The following ZC3H14 variants were observed in gnomAD, a reference collection of about 807,000 sequenced individuals.
The protein encoded by ZC3H14 is zinc finger CCCH-type containing 14.
A neutral mutation model predicts 92.4 loss-of-function variants in ZC3H14; 31 were observed. The observed-to-expected ratio is 0.34, with a 90% CI of 0.25 to 0.45. The LOEUF is 0.45. ZC3H14 is among the 20% of genes least tolerant of loss of function. ZC3H14 has a pLI of 1.00. For synonymous variants in ZC3H14, 321 were observed against 300.9 expected (o/e 1.07, Z -0.69); for missense variants, 781 against 897.3 (o/e 0.87, Z 1.66).
In ZC3H14 at chr14:88,625,848, A is replaced by G. The variant is rs1027095152; in HGVS notation, c.*14097A>G. 2.0e-4 allele frequency: 31 copies of G among 152,268 alleles called. No individual in the cohort carries two copies. The highest frequency in any genetic ancestry group is 7.0e-4 in the African/African-American group (29 of 41,470). 9.4% of individuals were successfully genotyped at this position (152,268 alleles called of 1,614,324 possible). Reference sequence around the variant, plus strand: ...TAAAATTATAACTTTTCCTATAAGTATTGCATAATCACAAAAACAAAAAAT... The same window carrying G: ...TAAAATTATAACTTTTCCTATAAGTGTTGCATAATCACAAAAACAAAAAAT... On this transcript the variant is annotated 3_prime_UTR_variant, in exon 17 of 17. Coordinates refer to ENST00000251038, the MANE Select transcript of ZC3H14 (RefSeq NM_024824.5).
intron 8 of ZC3H14, among the ~76,000 whole-genome samples, chr14:88,576,982 G>A (rs1045902808): frequency 4.0e-5 from 6 of 151,854 alleles, no homozygotes; most frequent in African/African-American, 1.5e-4. Context: ...TAGTAGAGGC[G>A]GGGTTCCACC....
rs373594140 is a variant in ZC3H14 at position 88,568,078 on chromosome 14, A to T, written c.119A>T (p.Asn40Ile). 61 of 1,614,078 alleles carry T rather than the reference A, an allele frequency of 3.8e-5. No homozygotes were observed. The highest frequency in any genetic ancestry group is 5.1e-6 in the Non-Finnish European group (6 of 1,180,022). Residue 40 changes from asparagine (N) to isoleucine (I), a missense_variant, in exon 3 of 17, where the codon AAC becomes ATC. Asn to Ile is a moderately radical substitution (Grantham distance 149). Coordinates refer to ENST00000251038, the MANE Select transcript of ZC3H14 (RefSeq NM_024824.5). ...LPDYIMVMVA[N>I]KKSQDQMTED... ...GATTACATTATGGTGATGGTGGCCA[A>T]CAAGAAAAGTCAGGACCAAATGACA... is the stretch of plus-strand genomic sequence containing the variant.
At chr14:88,579,425 C>T (rs1380328724) in intron 9 of ZC3H14, among the ~76,000 whole-genome samples, 2 of 152,112 alleles carry the variant, frequency 1.3e-5, no homozygotes, top group Non-Finnish European at 2.9e-5. Flanking sequence ...GGATTTTGCT[C>T]AGTGCAGTGG....
At position 88,618,390 on chromosome 14, in the gene ZC3H14, G is replaced by T; in HGVS notation, c.*6639G>T. On this transcript the variant is annotated 3_prime_UTR_variant, in exon 17 of 17. Transcript: ENST00000251038. ...CATTAGGTGAGAGACAAAATCCACAGGGGGTTTACAGAATACTAGCATATT... is the reference window on the plus strand; with the variant it reads ...CATTAGGTGAGAGACAAAATCCACATGGGGTTTACAGAATACTAGCATATT... 6.8e-7 allele frequency: 1 copy of T among 1,460,180 alleles called. No individual in the cohort carries two copies. The highest frequency in any genetic ancestry group is 9.6e-7 in the Non-Finnish European group (1 of 1,046,968). The allele number at this position is 1,460,180 out of a possible 1,614,324, so 90.5% of individuals were successfully genotyped here. A position where few individuals can be genotyped will look rare whatever the true frequency, so the allele number is the denominator to read the frequency against.
chr14:88,572,159 C>T lies in ZC3H14; in HGVS notation c.365C>T (p.Ala122Val), dbSNP rs199755342. ...AAVPPLAIPS[A>V]RPEKRDSRVS... is the part of the protein sequence containing the mutation. ...GTGCCACCACTTGCCATTCCTAGCG[C>T]GAGACCTGAAAAAAGAGATTCCAGA... is the stretch of plus-strand genomic sequence containing the variant. The change falls in exon 5 of 17, where the codon GCG becomes GTG. Residue 122 changes from alanine (A) to valine (V), a missense_variant. This residue lies in a region of ZC3H14 where 106 missense variants were observed against 154.2 expected (regional missense o/e 0.69). Transcript: ENST00000251038. The T allele has an allele frequency of 2.2e-5, 36 of 1,613,854 alleles. No individual in the cohort carries two copies. In the Admixed American group the frequency reaches 2.7e-4, roughly 12 times the overall value.
At chr14:88,598,758 G>A (rs1348023656) in intron 10 of ZC3H14, among the ~76,000 whole-genome samples, 1 of 152,218 alleles carries the variant, frequency 6.6e-6, no homozygotes, top group African/African-American at 2.4e-5. Context: ...TGTCTTCAGT[G>A]TAGAGGTCGG....
At position 88,619,080 on chromosome 14, in the gene ZC3H14, C is replaced by T. The variant is rs969976829; in HGVS notation, c.*7329C>T. Reference sequence around the variant, plus strand: ...ACGTCTAATGGCTTAAAAAAACTTTCTTAGGCCAGGCCCAGTGGCTCACAC... The same window carrying T: ...ACGTCTAATGGCTTAAAAAAACTTTTTTAGGCCAGGCCCAGTGGCTCACAC... On this transcript the variant is annotated 3_prime_UTR_variant, in exon 17 of 17. Transcript: ENST00000251038. The T allele has an allele frequency of 1.2e-5, 3 of 246,800 alleles. No homozygotes were observed. The highest frequency in any genetic ancestry group is 2.3e-5 in the Non-Finnish European group (3 of 130,158). The allele number at this position is 246,800 out of a possible 1,614,324, so 15.3% of individuals were successfully genotyped here. A position where few individuals can be genotyped will look rare whatever the true frequency, so the allele number is the denominator to read the frequency against.
intron 2 of ZC3H14, 192 bp from the exon 3 acceptor site, chr14:88,567,834 TATTCTTAATTTCC>T: frequency 1.6e-6 from 1 of 617,458 alleles, no homozygotes; most frequent in Non-Finnish European, 3.0e-6. Flanking sequence ...AAGTATCAAT[TATTCTTAATTTCC>T]ATTCTTCTAG....
intron 9 of ZC3H14, among the ~76,000 whole-genome samples, chr14:88,595,490 T>C (rs2083684596): frequency 6.6e-6 from 1 of 152,192 alleles, no homozygotes; most frequent in African/African-American, 2.4e-5. Flanking sequence ...GAAAGAGCAT[T>C]CTTCCTGTAA....
At chr14:88,606,206 A>G (rs963550283) in intron 12 of ZC3H14, among the ~76,000 whole-genome samples, 1 of 152,202 alleles carries the variant, frequency 6.6e-6, no homozygotes, top group African/African-American at 2.4e-5. Flanking sequence ...AATTTCGATG[A>G]AGGCAGATTT....
In ZC3H14 at chr14:88,627,509, CTG is replaced by C; in HGVS notation, c.*15762_*15763del. 3.9e-6 allele frequency: 3 copies of C among 775,450 alleles called. No individual in the cohort carries two copies. Among genetic ancestry groups the C allele is most frequent in the Non-Finnish European group, 4.0e-6 (2 of 504,916 alleles). The allele number at this position is 775,450 out of a possible 1,614,324, so 48.0% of individuals were successfully genotyped here. Reference sequence around the variant, plus strand: ...AAAGTGAAATATACCTACAGTACCACTGTGTACAGTATATTGCATAGGCCTCC... The same window carrying C: ...AAAGTGAAATATACCTACAGTACCACTGTACAGTATATTGCATAGGCCTCC... On this transcript the variant is annotated 3_prime_UTR_variant, in exon 17 of 17. Transcript: ENST00000251038.
At chr14:88,573,057 T>C (rs773071291) in intron 6 of ZC3H14, 50 bp downstream of exon 6, 3 of 1,588,328 alleles carry the variant, frequency 1.9e-6, no homozygotes, top group Non-Finnish European at 2.6e-6. Flanking sequence ...CGGCAGTTCT[T>C]GATACCAAAT....
chr14:88,588,573 C>G (rs1461474395), intron 9 of ZC3H14, among the ~76,000 whole-genome samples: 1 of 150,572 alleles, frequency 6.6e-6, no homozygotes, highest in Non-Finnish European at 1.5e-5. Context: ...TTTTTTTTTT[C>G]TATGTTCCTG....
At chr14:88,564,292 C>G (rs1037756132) in intron 2 of ZC3H14, among the ~76,000 whole-genome samples, 2 of 152,022 alleles carry the variant, frequency 1.3e-5, no homozygotes, top group African/African-American at 4.8e-5. Flanking sequence ...TCTCTTTATT[C>G]TTTTATAATT....
At chr14:88,609,575 T>C (rs2086195730) in intron 14 of ZC3H14, 137 bp from the exon 15 acceptor site, 2 of 1,360,128 alleles carry the variant, frequency 1.5e-6, no homozygotes, top group Non-Finnish European at 1.0e-6. Context: ...TTCCGAAGTA[T>C]TTTGACTAGT....
In ZC3H14 at chr14:88,574,333, C is replaced by T. The variant is rs1477895930; in HGVS notation, c.862-360C>T. The T allele has an allele frequency of 4.2e-5, 12 of 282,846 alleles. 1 individual carries two copies. The highest frequency in any genetic ancestry group is 1.8e-4 in the South Asian group (5 of 28,022). The allele number at this position is 282,846 out of a possible 1,614,324, so 17.5% of individuals were successfully genotyped here. ...TGATCTTGGCTCCCTACATCCTCCA[C>T]CTCCCGGGTTCAAGTGAGTCTTCTG... is the stretch of plus-strand genomic sequence containing the variant. On this transcript the variant is annotated intron_variant, in intron 6 of 16. Coordinates refer to ENST00000251038, the MANE Select transcript of ZC3H14 (RefSeq NM_024824.5).
rs565984859 is a variant in ZC3H14 at position 88,611,246 on chromosome 14, C to T, written c.2204+306C>T. 3.7e-4 allele frequency among the ~76,000 whole-genome samples: 57 copies of T among 152,330 alleles called. 1 individual carries two copies. In the South Asian group the frequency reaches 9.9e-3, roughly 27 times the overall value. On this transcript the variant is annotated intron_variant, in intron 16 of 16. Coordinates refer to ENST00000251038, the MANE Select transcript of ZC3H14 (RefSeq NM_024824.5). ...GTTCAATCCATCCTCCCACCTGTAG[C>T]TGAGACTACAAGCGTGTGCCTCTAT...
rs1335764154 is a variant in ZC3H14, at chr14:88,616,265, C to T, written c.*4514C>T. 1 of 1,609,572 alleles carries T rather than the reference C, an allele frequency of 6.2e-7. No individual in the cohort carries two copies. Among genetic ancestry groups the T allele is most frequent in the Non-Finnish European group, 8.5e-7 (1 of 1,175,996 alleles). Reference sequence around the variant, plus strand: ...TGCCTAAAAAACAATGACAGACAAGCTCAGGGCATTTGGTGCACACAGAAG... The same window carrying T: ...TGCCTAAAAAACAATGACAGACAAGTTCAGGGCATTTGGTGCACACAGAAG... On this transcript the variant is annotated 3_prime_UTR_variant, in exon 17 of 17. Coordinates refer to ENST00000251038, the MANE Select transcript of ZC3H14 (RefSeq NM_024824.5).
intron 11 of ZC3H14, among the ~76,000 whole-genome samples, chr14:88,602,559 C>T (rs531521583): frequency 6.6e-6 from 1 of 152,096 alleles, no homozygotes; most frequent in African/African-American, 2.4e-5. Flanking sequence ...CTATGAAGAT[C>T]GAATGGGTGA....
Sources: gnomAD v4.1 joint callset for allele counts (sites outside exome capture counted in the v4.1 genomes callset) on GRCh38, gnomAD v4.1.1 for gene constraint, gnomAD v4.1.1 regional missense constraint, MANE v1.5 for transcripts, NCBI Gene and HGNC (gene_info 2026-07-23, HGNC 2026-07-21) for gene names.